Variants in CPOX observed in about 807,000 individuals in gnomAD.
The protein encoded by CPOX is oxygen-dependent coproporphyrinogen-III oxidase, mitochondrial.
CPOX carries 24 observed loss-of-function variants against 48.9 expected under a neutral mutation model. The observed-to-expected ratio is 0.49, with a 90% confidence interval of 0.36 to 0.69. CPOX has a LOEUF of 0.69. Ranked by LOEUF, CPOX falls within the 30% of genes least tolerant of loss-of-function variation. The pLI, the probability that CPOX is intolerant of heterozygous loss-of-function variation, is 0.00. For missense variants in CPOX, 549 were observed against 597.3 expected (o/e 0.92, Z 0.84); for synonymous variants, 249 against 234.6 (o/e 1.06, Z -0.56).
At chr3:98,571,283 T>A in the CPOX span, among the ~76,000 whole-genome samples, 1 of 152,232 alleles carries the variant, frequency 6.6e-6, no homozygotes, top group African/African-American at 2.4e-5. Context: ...TGCCTGCTAA[T>A]TTCTCTTTTT....
At chr3:98,583,384 T>G (rs1273109435) in intron 5 of CPOX, among the ~76,000 whole-genome samples, 1 of 152,186 alleles carries the variant, frequency 6.6e-6, no homozygotes, top group Non-Finnish European at 1.5e-5. Flanking sequence ...ATAATAAAAG[T>G]AGTGTTGAGT....
chr3:98,582,726 C>T (rs1329941695), intron 5 of CPOX, among the ~76,000 whole-genome samples: 1 of 152,074 alleles, frequency 6.6e-6, no homozygotes, highest in Non-Finnish European at 1.5e-5. Flanking sequence ...CTCCTGACCT[C>T]GTGATCTGCC....
intron 4 of CPOX, among the ~76,000 whole-genome samples, chr3:98,587,985 G>C (rs1355162751): frequency 6.6e-6 from 1 of 152,126 alleles, no homozygotes; most frequent in Non-Finnish European, 1.5e-5. Context: ...TAAATCAAGA[G>C]AATATTCAAA....
At chr3:98,586,692 C>A (rs1414704465) in intron 4 of CPOX, among the ~76,000 whole-genome samples, 1 of 152,136 alleles carries the variant, frequency 6.6e-6, no homozygotes, top group African/African-American at 2.4e-5. Flanking sequence ...CGCCTGTAAT[C>A]CCAGCACTTT....
chr3:98,577,811 T>C (rs1384910978), downstream of CPOX, among the ~76,000 whole-genome samples: 7 of 152,338 alleles, frequency 4.6e-5, no homozygotes, highest in African/African-American at 1.4e-4. Flanking sequence ...TCCTCACCTA[T>C]GTACAGACAT....
downstream of CPOX, among the ~76,000 whole-genome samples, chr3:98,579,055 T>G (rs534245501): frequency 6.6e-6 from 1 of 152,342 alleles, no homozygotes; most frequent in South Asian, 2.1e-4. Context: ...CTACTCTTCC[T>G]CTTACTACTC....
Position 98,579,585 on chromosome 3 carries a change from C to T in CPOX, c.*1098G>A, listed in dbSNP as rs1199967032. ...CCACGATAATGATATGTATGAGATG[C>T]TCTTCCTTATAAACTTTATTACGAA... On this transcript the variant is annotated 3_prime_UTR_variant, in exon 7 of 7. Transcript: ENST00000647941. The T allele has an allele frequency of 3.0e-6, 3 of 985,182 alleles. No homozygotes were observed. The highest frequency in any genetic ancestry group is 5.2e-4 in the Middle Eastern group (1 of 1,936). 61.0% of individuals were successfully genotyped at this position (985,182 alleles called of 1,614,324 possible).
At chr3:98,584,170 T>C (rs192675081) in intron 5 of CPOX, among the ~76,000 whole-genome samples, 399 of 152,348 alleles carry the variant, frequency 2.6e-3, no homozygotes, top group Middle Eastern at 0.017. Flanking sequence ...CTTCGAAATC[T>C]TGTGCAAAAC....
chr3:98,578,221 C>A (rs957973428), downstream of CPOX: 3 of 952,826 alleles, frequency 3.1e-6, no homozygotes, highest in Non-Finnish European at 3.7e-6. Flanking sequence ...TTATGCAATT[C>A]TTTTCAGACA....
At chr3:98,586,521 A>G (rs1707366652) in intron 4 of CPOX, among the ~76,000 whole-genome samples, 1 of 152,186 alleles carries the variant, frequency 6.6e-6, no homozygotes, top group Non-Finnish European at 1.5e-5. Context: ...AAAGGTTCAG[A>G]TGATATCTTT....
downstream of CPOX, among the ~76,000 whole-genome samples, chr3:98,574,733 C>T (rs1459232527): frequency 6.6e-6 from 1 of 152,174 alleles, no homozygotes; most frequent in South Asian, 2.1e-4. Context: ...CGCCCATCAC[C>T]ACGCCTGGCT....
At chr3:98,591,698 T>A (rs541879963) in intron 1 of CPOX, among the ~76,000 whole-genome samples, 8 of 152,210 alleles carry the variant, frequency 5.3e-5, no homozygotes, top group African/African-American at 1.9e-4. Context: ...GCCTTACTAA[T>A]TTTTTTTCTT....
Position 98,591,103 on chromosome 3 carries a change from A to T in CPOX, c.609T>A (p.Ala203=), listed in dbSNP as rs1168545845. The stretch of plus-strand genomic sequence containing the variant: ...CATGAACAACAGAAATGCTCACCCC[A>T]GCCTTTTCGAAAACACACCCATCTT... The part of the protein sequence containing the change: ...VLQDGCVFEK[A]GVSISVVHGN... The change falls in exon 2 of 7, where the codon GCT becomes GCA. Residue 203 remains alanine (A), a synonymous_variant. Transcript: ENST00000647941. 1 of 1,614,150 alleles carries T rather than the reference A, an allele frequency of 6.2e-7. No homozygotes were observed. Among genetic ancestry groups the T allele is most frequent in the East Asian group, 2.2e-5 (1 of 44,874 alleles).
Position 98,593,402 on chromosome 3 carries a change from GC to G in CPOX, c.102del (p.Leu35SerfsTer101). 7.0e-7 allele frequency: 1 copy of G among 1,424,398 alleles called. No homozygotes were observed. The allele number at this position is 1,424,398 out of a possible 1,614,324, so 88.2% of individuals were successfully genotyped here. ...PRAWSQCGGGGLRAWSQRSAA... is the reference protein window; with the variant it reads ...PRAWSQCGGGXLRAWSQRSAA... ...GCGCTGCGCTGGGACCAGGCTCGGA[GC>G]CCTCCGCCGCCGCACTGGGACCAGG... On this transcript the variant is annotated frameshift_variant, in exon 1 of 7. Transcript: ENST00000647941. LOFTEE classifies it high-confidence loss of function.
intron 3 of CPOX, chr3:98,589,883 T>C (rs1277992555): frequency 2.0e-5 from 3 of 153,566 alleles, no homozygotes; most frequent in Non-Finnish European, 2.9e-5. Flanking sequence ...GCTGGAACTA[T>C]GTGCACAGGA....
Position 98,579,639 on chromosome 3 carries a change from T to A in CPOX, c.*1044A>T. On this transcript the variant is annotated 3_prime_UTR_variant, in exon 7 of 7. Transcript: ENST00000647941. ...AATAAAATAATACATTCATAATATA[T>A]GAACAAAGAAATCATACATTAAGAA... The A allele has an allele frequency of 2.0e-6, 2 of 984,162 alleles. No individual in the cohort carries two copies. Among genetic ancestry groups the A allele is most frequent in the Non-Finnish European group, 2.4e-6 (2 of 828,776 alleles). The allele number at this position is 984,162 out of a possible 1,614,324, so 61.0% of individuals were successfully genotyped here. A position where few individuals can be genotyped will look rare whatever the true frequency, so the allele number is the denominator to read the frequency against.
chr3:98,584,507 T>C (rs1050591230), intron 5 of CPOX, among the ~76,000 whole-genome samples: 1 of 152,324 alleles, frequency 6.6e-6, no homozygotes, highest in Admixed American at 6.5e-5. Context: ...TATACACAAA[T>C]GTTTATCTTT....
chr3:98,576,830 C>G (rs1057017234), downstream of CPOX, among the ~76,000 whole-genome samples: 3 of 152,088 alleles, frequency 2.0e-5, no homozygotes, highest in East Asian at 5.8e-4. Context: ...CAACACTAAG[C>G]TTGATACTAC....
At chr3:98,570,924 T>A in the CPOX span, among the ~76,000 whole-genome samples, 1 of 152,252 alleles carries the variant, frequency 6.6e-6, no homozygotes, top group Non-Finnish European at 1.5e-5. Context: ...TAGCTTTGCA[T>A]CTTTTGAATT....
Sources: allele counts gnomAD v4.1 joint callset (sites outside exome capture counted in the v4.1 genomes callset), GRCh38; gene constraint gnomAD v4.1.1; transcripts MANE v1.5; gene names NCBI Gene and HGNC (gene_info 2026-07-23, HGNC 2026-07-21).